The following GRIA1 variants were observed in gnomAD, a reference collection of about 807,000 sequenced individuals.
GRIA1 encodes the protein glutamate receptor 1.
In GRIA1, 31 loss-of-function variants were observed where a neutral mutation model predicts 99.2. The observed-to-expected ratio is 0.31, with a 90% CI of 0.23 to 0.42. The LOEUF is 0.42. Among genes scored for constraint, GRIA1 ranks in the 10% least tolerant of loss-of-function variants. The probability of loss-of-function intolerance (pLI) is 1.00; values close to 1 mark genes in which losing one functional copy is unlikely to be tolerated. For synonymous variants in GRIA1, 438 were observed against 432.4 expected, an observed-to-expected ratio of 1.01 and a Z score of -0.16; for missense variants, 782 against 1,157.5, an observed-to-expected ratio of 0.68 and a Z score of 4.71.
chr5:153,753,930 C>T (rs1478877020), intron 11 of GRIA1, among the ~76,000 whole-genome samples: 1 of 152,146 alleles, frequency 6.6e-6, no homozygotes, highest in Non-Finnish European at 1.5e-5. Flanking sequence ...AAGTGCTTTC[C>T]CCTGTACCAG....
intron 11 of GRIA1, among the ~76,000 whole-genome samples, chr5:153,754,558 C>A (rs1048328440): frequency 3.1e-4 from 47 of 152,272 alleles, no homozygotes; most frequent in African/African-American, 1.1e-3. Context: ...CTTTGGGCTT[C>A]ACTAGATGAT....
At chr5:153,679,961 G>A (rs1449962120) in intron 7 of GRIA1, among the ~76,000 whole-genome samples, 1 of 152,188 alleles carries the variant, frequency 6.6e-6, no homozygotes, top group African/African-American at 2.4e-5. Context: ...TATATCATTG[G>A]ATCTTTGATA....
chr5:153,634,264 G>T (rs1581373608), intron 2 of GRIA1, among the ~76,000 whole-genome samples: 1 of 150,928 alleles, frequency 6.6e-6, no homozygotes, highest in Non-Finnish European at 1.5e-5. Context: ...CTTGCAGTGA[G>T]CCGAGATCGC....
chr5:153,521,705 A>G (rs1401196563), intron 2 of GRIA1, among the ~76,000 whole-genome samples: 1 of 152,074 alleles, frequency 6.6e-6, no homozygotes, highest in Non-Finnish European at 1.5e-5. Context: ...AAATAATATG[A>G]TAGCTGACAT....
At chr5:153,618,886 C>T (rs1344178001) in intron 2 of GRIA1, among the ~76,000 whole-genome samples, 2 of 152,160 alleles carry the variant, frequency 1.3e-5, no homozygotes, top group Admixed American at 6.6e-5. Flanking sequence ...TGTATAGAAA[C>T]TATTAGGATA....
chr5:153,723,685 TG>T (rs1401585767), intron 11 of GRIA1, among the ~76,000 whole-genome samples: 3 of 152,026 alleles, frequency 2.0e-5, no homozygotes, highest in African/African-American at 7.2e-5. Context: ...GCAGCAAGGC[TG>T]GGGGAGGGGC....
intron 11 of GRIA1, among the ~76,000 whole-genome samples, chr5:153,710,991 A>G (rs1759273696): frequency 6.6e-6 from 1 of 152,194 alleles, no homozygotes; most frequent in Non-Finnish European, 1.5e-5. Context: ...AGAGACATAA[A>G]TAGCCATATG....
intron 11 of GRIA1, among the ~76,000 whole-genome samples, chr5:153,741,091 C>T (rs766212466): frequency 6.6e-6 from 1 of 151,318 alleles, no homozygotes; most frequent in African/African-American, 2.4e-5. Flanking sequence ...ATTCTCCTGC[C>T]TCAGCCTCCC....
At chr5:153,578,374 AT>A (rs553535678) in intron 2 of GRIA1, among the ~76,000 whole-genome samples, 2 of 152,288 alleles carry the variant, frequency 1.3e-5, no homozygotes, top group South Asian at 4.1e-4. Context: ...TTTGGAGAAT[AT>A]TCTAGCCAAA....
intron 14 of GRIA1, among the ~76,000 whole-genome samples, chr5:153,801,954 G>GT (rs1394831985): frequency 3.1e-5 from 3 of 97,904 alleles, no homozygotes; most frequent in East Asian, 2.3e-4. Context: ...AATTGGGGCG[G>GT]GGGGGGGCGG....
At chr5:153,543,339 T>A (rs940886318) in intron 2 of GRIA1, among the ~76,000 whole-genome samples, 1 of 152,228 alleles carries the variant, frequency 6.6e-6, no homozygotes, top group Non-Finnish European at 1.5e-5. Context: ...GTAGAGAGTT[T>A]ACTATTGTAT....
intron 2 of GRIA1, among the ~76,000 whole-genome samples, chr5:153,548,842 G>A (rs1483134736): frequency 6.6e-6 from 1 of 152,050 alleles, no homozygotes. Flanking sequence ...CTGGGATTAT[G>A]GTGTATGCAC....
intron 15 of GRIA1, among the ~76,000 whole-genome samples, chr5:153,807,496 A>G (rs180672437): frequency 6.6e-6 from 1 of 152,334 alleles, no homozygotes; most frequent in Admixed American, 6.5e-5. Flanking sequence ...TCAAAGCATG[A>G]AAAGAATTAA....
chr5:153,639,602 A>G (rs1342672181), intron 2 of GRIA1, among the ~76,000 whole-genome samples: 2 of 152,104 alleles, frequency 1.3e-5, no homozygotes, highest in South Asian at 4.1e-4. Context: ...CTCTCACATC[A>G]TCCCATTTTA....
At chr5:153,771,610 G>A (rs1320203922) in intron 13 of GRIA1, among the ~76,000 whole-genome samples, 1 of 152,140 alleles carries the variant, frequency 6.6e-6, no homozygotes, top group Admixed American at 6.6e-5. Flanking sequence ...GTCTATAAAA[G>A]GGGACCTAGA....
intron 15 of GRIA1, 41 bp from the exon 16 acceptor site, chr5:153,810,984 T>G (rs375218236): frequency 5.4e-6 from 8 of 1,477,270 alleles, no homozygotes. Flanking sequence ...TGCCTGTCAT[T>G]GCCAAGGACC....
intron 5 of GRIA1, among the ~76,000 whole-genome samples, chr5:153,665,401 T>C (rs1217071895): frequency 2.0e-5 from 3 of 152,196 alleles, no homozygotes; most frequent in Admixed American, 1.3e-4. Flanking sequence ...TCAATATTTA[T>C]GGTGTTTTCA....
At chr5:153,741,725 G>A (rs1761802798) in intron 11 of GRIA1, among the ~76,000 whole-genome samples, 2 of 152,080 alleles carry the variant, frequency 1.3e-5, no homozygotes, top group South Asian at 2.1e-4. Flanking sequence ...ATTAAAGAGT[G>A]GAATGGTGGT....
At chr5:153,602,541 T>G (rs1430171781) in intron 2 of GRIA1, among the ~76,000 whole-genome samples, 1 of 150,206 alleles carries the variant, frequency 6.7e-6, no homozygotes, top group East Asian at 1.9e-4. Context: ...AATAATAAAA[T>G]AAAAGAAAAT....
Sources: gnomAD v4.1 joint callset for allele counts (sites outside exome capture counted in the v4.1 genomes callset) on GRCh38, gnomAD v4.1.1 for gene constraint, MANE v1.5 for transcripts, NCBI Gene and HGNC (gene_info 2026-07-23, HGNC 2026-07-21) for gene names.